DNPEP: variants seen among roughly 807,000 people sequenced by gnomAD.
DNPEP encodes the protein aspartyl aminopeptidase.
Under a neutral mutation model 59.1 loss-of-function variants are expected in DNPEP, and 46 were observed. That is an observed-to-expected ratio of 0.78 (90% CI 0.61 to 0.99). DNPEP has a LOEUF of 0.99. Ranked by LOEUF, DNPEP falls within the 50% of genes least tolerant of loss-of-function variation. The probability of loss-of-function intolerance (pLI) is 0.00; values close to 1 mark genes in which losing one functional copy is unlikely to be tolerated. For missense variants in DNPEP, 617 were observed against 649.9 expected, an observed-to-expected ratio of 0.95 and a Z score of 0.55; for synonymous variants, 229 against 242.2, an observed-to-expected ratio of 0.95 and a Z score of 0.50.
upstream of DNPEP, among the ~76,000 whole-genome samples, chr2:219,390,490 A>G (rs1022693894): frequency 4.6e-5 from 7 of 152,258 alleles, no homozygotes; most frequent in African/African-American, 1.7e-4. Flanking sequence ...AAGAGCAAGA[A>G]ATATTGTTAA....
chr2:219,387,785 G>A lies in DNPEP; in HGVS notation c.10C>T (p.His4Tyr), dbSNP rs1341709319. ...TGCATGGCCCCGCGCGTGGGGCTGT[G>A]TCCGCTCATCTGGCCTCCGGGCTCG... MSGHSPTRGAMQVA... is the reference protein window; with the variant it reads MSGYSPTRGAMQVA... The change falls in exon 1 of 15, where the codon CAC becomes TAC. Residue 4 changes from histidine to tyrosine, a missense_variant. By Grantham distance (83) the His-to-Tyr change is moderately conservative. Transcript: ENST00000273075. 2 of 1,599,950 alleles carry A rather than the reference G, an allele frequency of 1.3e-6. No individual in the cohort carries two copies. Among genetic ancestry groups the A allele is most frequent in the East Asian group, 2.3e-5 (1 of 43,368 alleles).
At chr2:219,379,696 G>A (rs932890627) in intron 13 of DNPEP, among the ~76,000 whole-genome samples, 7 of 152,132 alleles carry the variant, frequency 4.6e-5, no homozygotes, top group African/African-American at 1.7e-4. Context: ...GCCGAGGCGG[G>A]CGGATCACAA....
upstream of DNPEP, among the ~76,000 whole-genome samples, chr2:219,389,515 C>A (rs1483732538): frequency 1.3e-5 from 2 of 152,266 alleles, no homozygotes; most frequent in Admixed American, 1.3e-4. Flanking sequence ...AAATTCATGG[C>A]ATTCCCTAAC....
chr2:219,376,237 C>CA (rs1559330498), intron 13 of DNPEP, among the ~76,000 whole-genome samples: 3 of 152,140 alleles, frequency 2.0e-5, no homozygotes, highest in African/African-American at 7.2e-5. Context: ...CCTGTAATCC[C>CA]AGCACTTTGG....
At chr2:219,395,128 A>T (rs1013675206) in intron 1 of DNPEP, among the ~76,000 whole-genome samples, 5 of 152,054 alleles carry the variant, frequency 3.3e-5, no homozygotes, top group African/African-American at 1.2e-4. Context: ...TTGTATTTTT[A>T]GTAGAGACAG....
intron 1 of DNPEP, among the ~76,000 whole-genome samples, chr2:219,398,853 G>C (rs962280349): frequency 1.3e-5 from 2 of 152,218 alleles, no homozygotes; most frequent in African/African-American, 4.8e-5. Context: ...AAGGAATGCA[G>C]CTTCTGATGC....
rs747884591 is a variant in DNPEP at position 219,386,759 on chromosome 2, G to T, written c.239C>A (p.Ser80Tyr). 1.9e-6 allele frequency: 3 copies of T among 1,613,122 alleles called. No homozygotes were observed. Among genetic ancestry groups the T allele is most frequent in the Non-Finnish European group, 2.5e-6 (3 of 1,179,668 alleles). Reference protein sequence around the residue: ...PESKYFMTRNSSTIIAFAVGG... With the variant: ...PESKYFMTRNYSTIIAFAVGG... ...TACAGCAAAAGCTATGATGGTGGAG[G>T]AGTTCCTGGTCATGAAGTACTGAGG... The change falls in exon 4 of 15, where the codon TCC (serine) becomes TAC (tyrosine). Residue 80 changes from serine to tyrosine, a missense_variant. Physicochemically the swap from Ser to Tyr is moderately radical, Grantham distance 144. Coordinates refer to ENST00000273075, the MANE Select transcript of DNPEP (RefSeq NM_012100.4).
chr2:219,380,610 T>C (rs1953551449), intron 13 of DNPEP, among the ~76,000 whole-genome samples: 2 of 152,124 alleles, frequency 1.3e-5, no homozygotes, highest in African/African-American at 4.8e-5. Context: ...TACAGGTTTG[T>C]AGCCTAGGAG....
upstream of DNPEP, among the ~76,000 whole-genome samples, chr2:219,391,693 T>G (rs1954018787): frequency 6.6e-6 from 1 of 152,164 alleles, no homozygotes; most frequent in Non-Finnish European, 1.5e-5. Context: ...CTGTACATCT[T>G]TGCTACTAAA....
rs1953832387 is a variant in DNPEP, at chr2:219,386,364, A to G, written c.381T>C (p.Gly127=). The G allele has an allele frequency of 6.2e-7, 1 of 1,614,162 alleles. No homozygotes were observed. Residue 127 remains glycine (G), a synonymous_variant, in exon 5 of 15, where the codon GGT becomes GGC. Transcript: ENST00000273075. ...RRSQVGFQQV[G]VETYGGGIWS... ...AGATCCCACCACCATAGGTCTCCACACCGACTTGCTGGAAGCCCACCTGGC... is the reference window on the plus strand; with the variant it reads ...AGATCCCACCACCATAGGTCTCCACGCCGACTTGCTGGAAGCCCACCTGGC...
In DNPEP at chr2:219,382,009, T is replaced by C; in HGVS notation, c.1067A>G (p.Asp356Gly). ...AIPKSFMISADMAHAVHPNYL... is the reference protein window; with the variant it reads ...AIPKSFMISAGMAHAVHPNYL... ...GTTGGGATGCACAGCATGGGCCATG[T>C]CTGCGCTGATCATGAAGGACTTGGG... is the stretch of plus-strand genomic sequence containing the variant. The change falls in exon 11 of 15, where the codon GAC (aspartate) becomes GGC (glycine). Residue 356 changes from aspartate to glycine, a missense_variant. Asp to Gly is a moderately conservative substitution (Grantham distance 94). Transcript: ENST00000273075. The C allele has an allele frequency of 6.2e-7, 1 of 1,614,230 alleles. No homozygotes were observed.
upstream of DNPEP, chr2:219,388,659 C>T (rs550685564): frequency 8.1e-5 from 80 of 982,376 alleles, 1 homozygote; most frequent in Middle Eastern, 2.6e-3. Context: ...CTCCCCGTGC[C>T]CCGGGCCTCG....
intron 13 of DNPEP, 31 bp from the exon 14 acceptor site, chr2:219,375,053 T>A: frequency 6.2e-7 from 1 of 1,610,774 alleles, no homozygotes; most frequent in South Asian, 1.1e-5. Flanking sequence ...ATGAGCAACA[T>A]GCAGTGTGTG....
At chr2:219,399,747 C>G (rs1954155850) in intron 1 of DNPEP, 3 of 792,822 alleles carry the variant, frequency 3.8e-6, no homozygotes, top group Non-Finnish European at 6.2e-6. Flanking sequence ...AGCAGGGGAC[C>G]CTATTTCATT....
intron 13 of DNPEP, among the ~76,000 whole-genome samples, chr2:219,378,502 C>G (rs1953460640): frequency 6.6e-6 from 1 of 152,210 alleles, no homozygotes; most frequent in Non-Finnish European, 1.5e-5. Context: ...AGAGTGAACA[C>G]TGTGCAGCAG....
chr2:219,394,286 G>T (rs935921060), intron 1 of DNPEP, among the ~76,000 whole-genome samples: 1 of 152,040 alleles, frequency 6.6e-6, no homozygotes, highest in Non-Finnish European at 1.5e-5. Context: ...CCCCATTGTC[G>T]TTGACCCATG....
intron 1 of DNPEP, among the ~76,000 whole-genome samples, chr2:219,395,408 C>T (rs909216102): frequency 1.2e-4 from 19 of 152,186 alleles, no homozygotes; most frequent in African/African-American, 4.3e-4. Context: ...AAACAAAGCG[C>T]CTTGATCCCC....
chr2:219,383,286 G>T, intron 9 of DNPEP, 72 bp from the exon 10 acceptor site: 1 of 1,316,814 alleles, frequency 7.6e-7, no homozygotes, highest in Non-Finnish European at 1.1e-6. Context: ...CCAGCACCTT[G>T]GGTGTGCACG....
chr2:219,390,919 G>T (rs549408403), upstream of DNPEP, among the ~76,000 whole-genome samples: 6 of 152,330 alleles, frequency 3.9e-5, no homozygotes, highest in African/African-American at 1.2e-4. Flanking sequence ...GTAATATCAA[G>T]TGTTGGAGAA....
Sources: allele counts gnomAD v4.1 joint callset (sites outside exome capture counted in the v4.1 genomes callset), GRCh38; gene constraint gnomAD v4.1.1; transcripts MANE v1.5; gene names NCBI Gene and HGNC (gene_info 2026-07-23, HGNC 2026-07-21).